RIN2: variants seen among roughly 807,000 people sequenced by gnomAD.
RIN2 encodes RAB5 interacting protein 2.
A neutral mutation model predicts 78.0 loss-of-function variants in RIN2; 36 were observed. That is an observed-to-expected ratio of 0.46 (90% CI 0.35 to 0.61). RIN2 has a LOEUF of 0.61. RIN2 is among the 20% of genes least tolerant of loss of function. The pLI is 0.00. For missense variants in RIN2, 1,087 were observed against 1,159.7 expected, an observed-to-expected ratio of 0.94 and a Z score of 0.91; for synonymous variants, 466 against 466.8, an observed-to-expected ratio of 1.00 and a Z score of 0.02.
intron 3 of RIN2, among the ~76,000 whole-genome samples, chr20:19,904,721 C>T (rs1018562710): frequency 1.5e-4 from 23 of 152,164 alleles, no homozygotes; most frequent in Admixed American, 2.0e-4. Context: ...TTAGTGCTAT[C>T]GGAAGCGGTG....
intron 2 of RIN2, among the ~76,000 whole-genome samples, chr20:19,877,657 A>C (rs1600679939): frequency 6.6e-6 from 1 of 152,154 alleles, no homozygotes; most frequent in East Asian, 1.9e-4. Context: ...GGATGTAACT[A>C]GGCCCACACA....
intron 1 of RIN2, among the ~76,000 whole-genome samples, chr20:19,789,863 C>G (rs1478108702): frequency 6.6e-6 from 1 of 152,202 alleles, no homozygotes; most frequent in African/African-American, 2.4e-5. Context: ...TCTAATTTCT[C>G]TCCTTTGGTT....
chr20:19,801,771 C>T (rs1458191582), intron 2 of RIN2, among the ~76,000 whole-genome samples: 2 of 152,128 alleles, frequency 1.3e-5, no homozygotes, highest in Admixed American at 6.5e-5. Flanking sequence ...TAAATAAACA[C>T]CAAAGAGCAT....
Position 19,788,432 on chromosome 20 carries a change from C to CAAAAAAAAAAAAAAAA in RIN2, c.-162-11188_-162-11173dup, listed in dbSNP as rs1224663738. ...CAACATGGCGAAATCCTGTCTCTGC[C>CAAAAAAAAAAAAAAAA]AAAAAAAAAAAAAAAAACAACTAGC... On this transcript the variant is annotated intron_variant, in intron 1 of 12. Transcript: ENST00000255006. 1.7e-3 allele frequency among the ~76,000 whole-genome samples: 91 copies of CAAAAAAAAAAAAAAAA among 53,706 alleles called. 2 individuals carry two copies. The highest frequency in any genetic ancestry group is 4.0e-3 in the East Asian group (9 of 2,272). The allele number at this position is 53,706 out of a possible 152,430, so 35.2% of individuals were successfully genotyped here.
At chr20:19,903,173 G>T (rs2039063201) in intron 3 of RIN2, among the ~76,000 whole-genome samples, 2 of 152,154 alleles carry the variant, frequency 1.3e-5, no homozygotes. Context: ...CTCTACAGGA[G>T]GGCTAAGATG....
intron 3 of RIN2, among the ~76,000 whole-genome samples, chr20:19,931,330 A>AC (rs2040431057): frequency 6.6e-6 from 1 of 152,112 alleles, no homozygotes; most frequent in African/African-American, 2.4e-5. Context: ...TTTTATAGAG[A>AC]CGATCTCACT....
intron 1 of RIN2, among the ~76,000 whole-genome samples, chr20:19,759,156 G>A (rs2033521436): frequency 6.6e-6 from 1 of 152,230 alleles, no homozygotes; most frequent in African/African-American, 2.4e-5. Flanking sequence ...CAGAAGTTCA[G>A]CTTGAAAGCC....
At chr20:19,758,784 AGC>A (rs1309985897) in intron 1 of RIN2, among the ~76,000 whole-genome samples, 2 of 152,120 alleles carry the variant, frequency 1.3e-5, no homozygotes, top group African/African-American at 4.8e-5. Context: ...CCTGCGCCTG[AGC>A]GCGCGGGTCA....
chr20:19,781,123 G>A (rs1348827228), intron 1 of RIN2, among the ~76,000 whole-genome samples: 1 of 152,154 alleles, frequency 6.6e-6, no homozygotes, highest in East Asian at 1.9e-4. Flanking sequence ...ATTGCAGAAA[G>A]GGAGAGAAGG....
intron 4 of RIN2, among the ~76,000 whole-genome samples, chr20:19,940,196 T>A (rs1015844788): frequency 1.3e-5 from 2 of 152,102 alleles, no homozygotes; most frequent in Non-Finnish European, 2.9e-5. Context: ...GTAAGCTCTG[T>A]GAGACCAGGG....
chr20:19,934,995 G>A lies in RIN2; in HGVS notation c.58-104G>A. On this transcript the variant is annotated intron_variant, in intron 3 of 12. Coordinates refer to ENST00000255006, the MANE Select transcript of RIN2 (RefSeq NM_018993.4). ...AAAAAAAAAAAAAGAAATAGAAAAA[G>A]ATGGTCATCTCTGTTCCTATTGAAA... The A allele has an allele frequency of 9.5e-6, 6 of 632,186 alleles. No homozygotes were observed. The South Asian group carries it at 9.6e-5, about 10-fold the overall frequency. 39.2% of individuals were successfully genotyped at this position (632,186 alleles called of 1,614,324 possible). A position where few individuals can be genotyped will look rare whatever the true frequency, so the allele number is the denominator to read the frequency against.
chr20:19,916,432 A>T (rs1302660939), intron 3 of RIN2, among the ~76,000 whole-genome samples: 1 of 152,126 alleles, frequency 6.6e-6, no homozygotes. Flanking sequence ...CATCCTGGAC[A>T]AACTAGCGAG....
chr20:19,984,759 T>C (rs1165098225), intron 9 of RIN2, among the ~76,000 whole-genome samples: 1 of 152,124 alleles, frequency 6.6e-6, no homozygotes. Flanking sequence ...AGAGTGAGAC[T>C]CTGTCTCAAA....
intron 2 of RIN2, among the ~76,000 whole-genome samples, chr20:19,848,534 CAAAAAAAAAAAAAA>C (rs11352724): frequency 1.9e-5 from 1 of 52,838 alleles, no homozygotes; most frequent in Admixed American, 2.2e-4. Flanking sequence ...GACTCCATCT[CAAAAAAAAAAAAAA>C]AAAAAAAAGA....
At chr20:19,956,916 C>T (rs986822518) in intron 5 of RIN2, 109 bp downstream of exon 5, 2 of 934,958 alleles carry the variant, frequency 2.1e-6, no homozygotes, top group Non-Finnish European at 3.1e-6. Flanking sequence ...TTGTAAGGAG[C>T]ATGTCTCTTG....
At chr20:19,943,975 C>CTTTT (rs58524523) in intron 4 of RIN2, among the ~76,000 whole-genome samples, 6 of 95,872 alleles carry the variant, frequency 6.3e-5, no homozygotes, top group East Asian at 6.7e-4. Context: ...TTTCAATATC[C>CTTTT]TTTTTTTTTT....
At chr20:19,758,680 G>A (rs1324634109) in intron 1 of RIN2, among the ~76,000 whole-genome samples, 4 of 152,214 alleles carry the variant, frequency 2.6e-5, no homozygotes, top group African/African-American at 7.2e-5. Flanking sequence ...GAGGTGCGGA[G>A]GTGCGGGTGT....
At chr20:19,873,870 T>G (rs1402770235) in intron 2 of RIN2, among the ~76,000 whole-genome samples, 3 of 152,222 alleles carry the variant, frequency 2.0e-5, no homozygotes, top group Non-Finnish European at 4.4e-5. Context: ...TAAAATTTAT[T>G]TGTGACTCCC....
At chr20:19,875,823 C>T (rs1045370433) in intron 2 of RIN2, among the ~76,000 whole-genome samples, 2 of 152,122 alleles carry the variant, frequency 1.3e-5, no homozygotes, top group African/African-American at 2.4e-5. Context: ...AGTGGGGATG[C>T]ACAGACATTT....
Sources: gnomAD v4.1 joint callset for allele counts (sites outside exome capture counted in the v4.1 genomes callset) on GRCh38, gnomAD v4.1.1 for gene constraint, MANE v1.5 for transcripts, NCBI Gene and HGNC (gene_info 2026-07-23, HGNC 2026-07-21) for gene names.